ZNF799: variants seen among roughly 807,000 people sequenced by gnomAD.
ZNF799 encodes the protein zinc finger protein 799.
Under a neutral mutation model 41.0 loss-of-function variants are expected in ZNF799, and 28 were observed. The ratio of observed to expected loss-of-function variants is 0.68; its 90% CI spans 0.51 to 0.94. ZNF799 has a LOEUF of 0.94. ZNF799 is among the 40% of genes least tolerant of loss of function. ZNF799 has a pLI of 0.00. For synonymous variants in ZNF799, 213 were observed against 252.9 expected (o/e 0.84, Z 1.50); for missense variants, 716 against 764.3 (o/e 0.94, Z 0.74).
In ZNF799 at chr19:12,391,052, TA is replaced by T. The variant is rs758077310; in HGVS notation, c.1345del (p.Tyr449IlefsTer71). The stretch of plus-strand genomic sequence containing the variant: ...AAAGGCTTTCCCACATTTGCATTTA[TA>T]GGGTTTCTCTCCAGTATGAGTTGTT... Reference protein sequence around the residue: ...HETTHTGEKPYKCKCGKAFID... With the variant: ...HETTHTGEKPXKCKCGKAFID... On this transcript the variant is annotated frameshift_variant, in exon 4 of 4. Coordinates refer to ENST00000430385, the MANE Select transcript of ZNF799 (RefSeq NM_001080821.3). LOFTEE classifies it high-confidence loss of function. The T allele has an allele frequency of 2.7e-5, 44 of 1,614,070 alleles. No homozygotes were observed. The East Asian group carries it at 9.6e-4, about 35-fold the overall frequency.
upstream of ZNF799, among the ~76,000 whole-genome samples, chr19:12,401,428 T>A (rs1969984672): frequency 6.6e-6 from 1 of 152,088 alleles, no homozygotes; most frequent in Non-Finnish European, 1.5e-5. Context: ...TCCTCCCTGC[T>A]CTTTGATCTG....
At chr19:12,406,162 C>A (rs1970027964), upstream of ZNF799, among the ~76,000 whole-genome samples, 1 of 115,164 alleles carries the variant, frequency 8.7e-6, no homozygotes, top group African/African-American at 3.6e-5. Flanking sequence ...GAGTTGGACT[C>A]TGTCTCAAAA....
At chr19:12,407,139 G>T in the ZNF799 span, among the ~76,000 whole-genome samples, 1 of 152,148 alleles carries the variant, frequency 6.6e-6, no homozygotes, top group African/African-American at 2.4e-5. Context: ...AATGTCAAAA[G>T]AAGTTCATCA....
intron 1 of ZNF799, chr19:12,394,256 T>C (rs1470484918): frequency 6.6e-6 from 1 of 152,260 alleles, no homozygotes; most frequent in Admixed American, 6.5e-5. Flanking sequence ...CTAGGGACTC[T>C]GCAGAGTCCC....
chr19:12,410,267 A>ATATATC, the ZNF799 span, among the ~76,000 whole-genome samples: 1 of 56,172 alleles, frequency 1.8e-5, no homozygotes, highest in Non-Finnish European at 3.1e-5. Flanking sequence ...ATATATATAT[A>ATATATC]TATATATATA....
intron 1 of ZNF799, chr19:12,400,558 T>A (rs963710835): frequency 6.2e-5 from 11 of 176,232 alleles, no homozygotes; most frequent in African/African-American, 1.9e-4. Flanking sequence ...CAGGTTGAAG[T>A]CCCAACGAGG....
rs375319755 is a variant in ZNF799, at chr19:12,391,205, C to T, written c.1193G>A (p.Cys398Tyr). 1.2e-6 allele frequency: 2 copies of T among 1,614,208 alleles called. No homozygotes were observed. Among genetic ancestry groups the T allele is most frequent in the Non-Finnish European group, 1.7e-6 (2 of 1,180,020 alleles). The change falls in exon 4 of 4, where the codon TGT becomes TAT. Residue 398 changes from cysteine (C) to tyrosine (Y), a missense_variant. This residue lies in a region of ZNF799 where 698 missense variants were observed against 713.6 expected (regional missense o/e 0.98). Transcript: ENST00000430385. ...ACTGGGATAAACAAAGGCTTTCCCA[C>T]ATATCTTGCATTTGTGAGGTCCATC... ...TGDGPHKCKICGKAFVYPSVF... is the reference protein window; with the variant it reads ...TGDGPHKCKIYGKAFVYPSVF...
At chr19:12,400,279 C>T (rs1345088199) in intron 1 of ZNF799, 1 of 152,268 alleles carries the variant, frequency 6.6e-6, no homozygotes, top group Non-Finnish European at 1.5e-5. Flanking sequence ...ACACACGAGT[C>T]TGGATTCCAC....
At position 12,391,581 on chromosome 19, in the gene ZNF799, T is replaced by C. The variant is rs200335804; in HGVS notation, c.817A>G (p.Arg273Gly). The C allele has an allele frequency of 3.6e-4, 589 of 1,614,186 alleles. 1 individual carries two copies. Among genetic ancestry groups the C allele is most frequent in the Middle Eastern group, 9.9e-4 (6 of 6,062 alleles). The change falls in exon 4 of 4, where the codon AGA becomes GGA. Residue 273 changes from arginine to glycine, a missense_variant. Physicochemically the swap from Arg to Gly is moderately radical, Grantham distance 125. This residue lies in a region of ZNF799 where 698 missense variants were observed against 713.6 expected (regional missense o/e 0.98). Coordinates refer to ENST00000430385, the MANE Select transcript of ZNF799 (RefSeq NM_001080821.3). Reference protein sequence around the residue: ...PDYSSCLRHERTHTGKKPYTC... With the variant: ...PDYSSCLRHEGTHTGKKPYTC... ...TAGGGTTTCTTTCCAGTGTGAGTTC[T>C]TTCATGTCTTAGACAAGAACTGTAA...
intron 1 of ZNF799, chr19:12,400,210 G>C (rs2144907859): frequency 6.6e-6 from 1 of 152,472 alleles, no homozygotes; most frequent in African/African-American, 2.4e-5. Context: ...GGTCGCCCTT[G>C]GAAAGAAAGA....
chr19:12,406,879 G>A, the ZNF799 span, among the ~76,000 whole-genome samples: 24 of 151,742 alleles, frequency 1.6e-4, no homozygotes, highest in African/African-American at 4.6e-4. Flanking sequence ...CAGCCTGGGC[G>A]ACAAAGCGAG....
In ZNF799 at chr19:12,391,736, C is replaced by G. The variant is rs1311332085; in HGVS notation, c.662G>C (p.Gly221Ala). 1.2e-6 allele frequency: 2 copies of G among 1,613,982 alleles called. No individual in the cohort carries two copies. The highest frequency in any genetic ancestry group is 1.3e-5 in the African/African-American group (1 of 74,892). Residue 221 changes from glycine to alanine, a missense_variant, in exon 4 of 4, where the codon GGA becomes GCA. Physicochemically the swap from Gly to Ala is moderately conservative, Grantham distance 60 (BLOSUM62 0). Coordinates refer to ENST00000430385, the MANE Select transcript of ZNF799 (RefSeq NM_001080821.3). ...CTGCTTACATTCATATGGTTTCTCT[C>G]CAGTGTGCGTTCTCTCATGCATATG... The part of the protein sequence containing the change: ...LLHMHERTHT[G>A]EKPYECKQCS...
At position 12,397,556 on chromosome 19, in the gene ZNF799, C is replaced by A. The variant is rs199544873; in HGVS notation, c.3+3512G>T. Among the ~76,000 whole-genome samples, 257 of 131,770 alleles carry A rather than the reference C, an allele frequency of 2.0e-3. 1 individual carries two copies. The highest frequency in any genetic ancestry group is 0.013 in the East Asian group (56 of 4,476). The allele number at this position is 131,770 out of a possible 152,430, so 86.4% of individuals were successfully genotyped here. A position where few individuals can be genotyped will look rare whatever the true frequency, so the allele number is the denominator to read the frequency against. On this transcript the variant is annotated intron_variant, in intron 1 of 3. Transcript: ENST00000430385. ...CTCTAGCCTAGGTGATAGAGCAAGA[C>A]CCTGTCTCAAAAAAAAAAAAAAAAA...
In ZNF799 at chr19:12,401,191, G is replaced by T. The variant is rs1360778494; in HGVS notation, c.-121C>A. On this transcript the variant is annotated 5_prime_UTR_variant, in exon 1 of 4. Coordinates refer to ENST00000430385, the MANE Select transcript of ZNF799 (RefSeq NM_001080821.3). ...TCTCTTAGCTACAGAGCCGAGCACC[G>T]AGCGCCCAGCGCAGGTGGGTGGAGA... The T allele has an allele frequency of 1.9e-6, 3 of 1,579,096 alleles. No homozygotes were observed. The highest frequency in any genetic ancestry group is 1.7e-5 in the Admixed American group (1 of 57,304).
At position 12,399,410 on chromosome 19, in the gene ZNF799, G is replaced by A. The variant is rs1285889864; in HGVS notation, c.3+1658C>T. ...TCCTATGGAATATGACCATGAAATTGGCTGTTCAGTCATGTGTCTCCAAGG... is the reference window on the plus strand; with the variant it reads ...TCCTATGGAATATGACCATGAAATTAGCTGTTCAGTCATGTGTCTCCAAGG... On this transcript the variant is annotated intron_variant, in intron 1 of 3. Coordinates refer to ENST00000430385, the MANE Select transcript of ZNF799 (RefSeq NM_001080821.3). 7.9e-5 allele frequency among the ~76,000 whole-genome samples: 12 copies of A among 151,888 alleles called. No homozygotes were observed. The South Asian group carries it at 2.5e-3, about 32-fold the overall frequency.
At chr19:12,403,180 A>G (rs571603917), upstream of ZNF799, among the ~76,000 whole-genome samples, 43 of 152,202 alleles carry the variant, frequency 2.8e-4, no homozygotes, top group African/African-American at 9.9e-4. Context: ...CTGCCTAGGA[A>G]TTTATCAATT....
chr19:12,406,158 G>A (rs1361204536), upstream of ZNF799, among the ~76,000 whole-genome samples: 1 of 131,886 alleles, frequency 7.6e-6, no homozygotes, highest in Non-Finnish European at 1.6e-5. Flanking sequence ...GACAGAGTTG[G>A]ACTCTGTCTC....
In ZNF799 at chr19:12,390,890, G is replaced by T; in HGVS notation, c.1508C>A (p.Pro503His). ...QHRRTHTGEK[P>H]YECNTCKKAF... ...TTTCTTACATGTGTTACACTCATAA[G>T]GTTTCTCTCCTGTGTGAGTCCTTCT... is the stretch of plus-strand genomic sequence containing the variant. Residue 503 changes from proline to histidine, a missense_variant, in exon 4 of 4, where the codon CCT becomes CAT. Coordinates refer to ENST00000430385, the MANE Select transcript of ZNF799 (RefSeq NM_001080821.3). 3.1e-6 allele frequency: 5 copies of T among 1,613,934 alleles called. No homozygotes were observed. The highest frequency in any genetic ancestry group is 3.4e-6 in the Non-Finnish European group (4 of 1,179,960).
At chr19:12,407,614 T>C in the ZNF799 span, among the ~76,000 whole-genome samples, 1 of 152,138 alleles carries the variant, frequency 6.6e-6, no homozygotes. Flanking sequence ...AAGAAAACTC[T>C]TTCCTTTTCT....
Sources: gnomAD v4.1 joint callset for allele counts (sites outside exome capture counted in the v4.1 genomes callset) on GRCh38, gnomAD v4.1.1 for gene constraint, gnomAD v4.1.1 regional missense constraint, MANE v1.5 for transcripts, NCBI Gene and HGNC (gene_info 2026-07-23, HGNC 2026-07-21) for gene names.